Variants in UNC5A observed in about 807,000 individuals in gnomAD.
UNC5A encodes the protein netrin receptor UNC5A.
UNC5A carries 20 observed loss-of-function variants against 87.4 expected under a neutral mutation model. The ratio of observed to expected loss-of-function variants is 0.23; its 90% confidence interval spans 0.16 to 0.33. The LOEUF (loss-of-function observed/expected upper bound fraction) is 0.33, where lower values mean the gene tolerates loss of function less well. Among genes scored for constraint, UNC5A ranks in the 10% least tolerant of loss-of-function variants. The probability of loss-of-function intolerance (pLI) is 1.00; values close to 1 mark genes in which losing one functional copy is unlikely to be tolerated. For synonymous variants in UNC5A, 438 were observed against 482.3 expected, an observed-to-expected ratio of 0.91 and a Z score of 1.20; for missense variants, 844 against 1,133.4, an observed-to-expected ratio of 0.74 and a Z score of 3.67.
intron 1 of UNC5A, among the ~76,000 whole-genome samples, chr5:176,820,284 C>T (rs1305717424): frequency 6.6e-6 from 1 of 152,114 alleles, no homozygotes; most frequent in Non-Finnish European, 1.5e-5. Context: ...GTAGTCCCAG[C>T]TACTTGGGAG....
intron 6 of UNC5A, among the ~76,000 whole-genome samples, chr5:176,872,550 GC>G (rs61663644): frequency 7.8e-4 from 2 of 2,556 alleles, no homozygotes. Context: ...GCCCACACTC[GC>G]CCAACACCAC....
intron 1 of UNC5A, among the ~76,000 whole-genome samples, chr5:176,836,528 C>T (rs1245835874): frequency 1.3e-5 from 2 of 152,192 alleles, no homozygotes; most frequent in East Asian, 1.9e-4. Flanking sequence ...AAGTTCAGTG[C>T]CACCGTGAGT....
intron 6 of UNC5A, among the ~76,000 whole-genome samples, chr5:176,873,586 G>C (rs1271215998): frequency 6.6e-6 from 1 of 152,080 alleles, no homozygotes; most frequent in Non-Finnish European, 1.5e-5. Flanking sequence ...TGTGCTCTGG[G>C]GATCCCAGGA....
intron 1 of UNC5A, among the ~76,000 whole-genome samples, chr5:176,819,042 A>C (rs1756663808): frequency 6.6e-6 from 1 of 152,156 alleles, no homozygotes; most frequent in Non-Finnish European, 1.5e-5. Context: ...AGCTCCCCAA[A>C]TGGTTCTGGG....
At chr5:176,873,864 T>C (rs1373333950) in intron 6 of UNC5A, 104 bp from the exon 7 acceptor site, 1 of 1,233,038 alleles carries the variant, frequency 8.1e-7, no homozygotes, top group East Asian at 2.4e-5. Context: ...CTAGTGCAGA[T>C]GCCCCGGGGT....
At chr5:176,840,799 G>A (rs534453258) in intron 1 of UNC5A, among the ~76,000 whole-genome samples, 9 of 152,348 alleles carry the variant, frequency 5.9e-5, no homozygotes, top group South Asian at 2.1e-4. Flanking sequence ...GGGACCAGAC[G>A]ACAGGGAGAC....
At chr5:176,851,155 G>T (rs540976722) in intron 1 of UNC5A, among the ~76,000 whole-genome samples, 1 of 152,242 alleles carries the variant, frequency 6.6e-6, no homozygotes, top group Non-Finnish European at 1.5e-5. Context: ...GGAACCCATC[G>T]CTCTCGACTT....
At chr5:176,862,478 T>G in intron 1 of UNC5A, 146 bp from the exon 2 acceptor site, 10 of 801,090 alleles carry the variant, frequency 1.2e-5, no homozygotes, top group Non-Finnish European at 1.9e-5. Flanking sequence ...GTCATTGGCC[T>G]GAGATTGCCC....
intron 1 of UNC5A, among the ~76,000 whole-genome samples, chr5:176,825,982 G>C (rs1561641351): frequency 6.6e-6 from 1 of 152,258 alleles, no homozygotes; most frequent in African/African-American, 2.4e-5. Flanking sequence ...TCCTGGAAGA[G>C]GTGACACTTG....
rs201528192 is a variant in UNC5A at position 176,874,391 on chromosome 5, C to A, written c.1203C>A (p.Ser401Arg). Residue 401 changes from serine to arginine, a missense_variant, in exon 8 of 15, where the codon AGC becomes AGA. By Grantham distance (110) the Ser-to-Arg change is moderately radical. This residue lies in a region of UNC5A where 353 missense variants were observed against 387.5 expected (regional missense o/e 0.91). Coordinates refer to ENST00000329542, the MANE Select transcript of UNC5A (RefSeq NM_133369.3). This position sits in a 1 kb window ranked among gnomAD's most constrained non-coding sequence, Gnocchi z 7.6. ...AGCTCACCAATGGGCACCTGCTCAG[C>A]CCCCTGGGTGGCGGCCGCCACACAC... ...KFQLTNGHLL[S>R]PLGGGRHTLH... is the part of the protein sequence containing the mutation. The A allele has an allele frequency of 1.2e-6, 2 of 1,613,688 alleles. No homozygotes were observed. The highest frequency in any genetic ancestry group is 1.7e-6 in the Non-Finnish European group (2 of 1,179,956).
At chr5:176,849,188 T>C (rs553547420) in intron 1 of UNC5A, among the ~76,000 whole-genome samples, 1 of 152,336 alleles carries the variant, frequency 6.6e-6, no homozygotes, top group Non-Finnish European at 1.5e-5. Context: ...CCCTGCCGAC[T>C]TGTTTGGCCC....
At chr5:176,870,242 C>A in intron 5 of UNC5A, 128 bp from the exon 6 acceptor site, 1 of 1,219,366 alleles carries the variant, frequency 8.2e-7, no homozygotes, top group Non-Finnish European at 1.1e-6. Flanking sequence ...CTGGCCCTGG[C>A]TTTGCACCCA....
At position 176,844,179 on chromosome 5, in the gene UNC5A, G is replaced by T. The variant is rs1053362753; in HGVS notation, c.71-18445G>T. Among the ~76,000 whole-genome samples, 5 of 152,180 alleles carry T rather than the reference G, an allele frequency of 3.3e-5. No individual in the cohort carries two copies. Among genetic ancestry groups the T allele is most frequent in the Non-Finnish European group, 7.3e-5 (5 of 68,032 alleles). On this transcript the variant is annotated intron_variant, in intron 1 of 14. Transcript: ENST00000329542. This position sits in a 1 kb window ranked among gnomAD's most constrained non-coding sequence, Gnocchi z 4.2. Reference sequence around the variant, plus strand: ...CTGTGACTAAACTCAGGTCCATGCTGATTGTAGCGTCTCAGGGGACAGATC... The same window carrying T: ...CTGTGACTAAACTCAGGTCCATGCTTATTGTAGCGTCTCAGGGGACAGATC...
intron 13 of UNC5A, 72 bp downstream of exon 13, chr5:176,878,711 TCCTGCCCTG>T (rs917467263): frequency 4.6e-6 from 7 of 1,534,120 alleles, no homozygotes; most frequent in African/African-American, 4.1e-5. Flanking sequence ...CCCAAAACGC[TCCTGCCCTG>T]CCTGCCCTGC....
intron 13 of UNC5A, 61 bp from the exon 14 acceptor site, chr5:176,879,249 T>C (rs1758348352): frequency 1.3e-6 from 2 of 1,508,626 alleles, no homozygotes; most frequent in Admixed American, 2.2e-5. Context: ...CAGCAGGAGG[T>C]GGCGGTGGAC....
chr5:176,827,486 AT>A (rs1756884407), intron 1 of UNC5A, among the ~76,000 whole-genome samples: 1 of 152,182 alleles, frequency 6.6e-6, no homozygotes, highest in African/African-American at 2.4e-5. Flanking sequence ...CCCAGCCTTC[AT>A]TCCTTTTTGT....
chr5:176,856,926 C>T (rs919070460), intron 1 of UNC5A, among the ~76,000 whole-genome samples: 2 of 152,204 alleles, frequency 1.3e-5, no homozygotes, highest in African/African-American at 2.4e-5. Context: ...AAACACGTCT[C>T]GCCCTCACTC....
chr5:176,872,304 C>T (rs1581276721), intron 6 of UNC5A, among the ~76,000 whole-genome samples: 1 of 19,748 alleles, frequency 5.1e-5, no homozygotes. Context: ...TTCACATCTG[C>T]CCACACTCAC....
At position 176,836,532 on chromosome 5, in the gene UNC5A, C is replaced by T. The variant is rs1346939781; in HGVS notation, c.70+25712C>T. Among the ~76,000 whole-genome samples the T allele has an allele frequency of 4.6e-5, 7 of 152,166 alleles. No individual in the cohort carries two copies. The South Asian group carries it at 1.2e-3, about 27-fold the overall frequency. Reference sequence around the variant, plus strand: ...AGGCACCTGTAAAGTTCAGTGCCACCGTGAGTGGTTATGGAAAGAGTTGCG... The same window carrying T: ...AGGCACCTGTAAAGTTCAGTGCCACTGTGAGTGGTTATGGAAAGAGTTGCG... On this transcript the variant is annotated intron_variant, in intron 1 of 14. Coordinates refer to ENST00000329542, the MANE Select transcript of UNC5A (RefSeq NM_133369.3).
Sources: allele counts gnomAD v4.1 joint callset (sites outside exome capture counted in the v4.1 genomes callset), GRCh38; gene constraint gnomAD v4.1.1; regional missense constraint gnomAD v4.1.1; non-coding constraint Gnocchi (gnomAD v3.1); transcripts MANE v1.5; gene names NCBI Gene and HGNC (gene_info 2026-07-23, HGNC 2026-07-21).